Variants in PDLIM2 observed in about 807,000 individuals in gnomAD.
PDLIM2 encodes PDZ and LIM domain protein 2.
PDLIM2 carries 51 observed loss-of-function variants against 54.1 expected under a neutral mutation model. The ratio of observed to expected loss-of-function variants is 0.94; its 90% CI spans 0.75 to 1.19. PDLIM2 has a LOEUF of 1.19. PDLIM2 is among the 50% of genes most tolerant of loss of function. The pLI is 0.00. For missense variants in PDLIM2, 912 were observed against 874.0 expected (o/e 1.04, Z -0.55); for synonymous variants, 398 against 385.6 (o/e 1.03, Z -0.38).
chr8:22,581,625 C>T, intron 3 of PDLIM2, 95 bp downstream of exon 2: 3 of 1,447,552 alleles, frequency 2.1e-6, no homozygotes, highest in Non-Finnish European at 2.7e-6. Flanking sequence ...GGCTAGAGCT[C>T]AGCCCTAAAG....
intron 6 of PDLIM2, among the ~76,000 whole-genome samples, chr8:22,586,148 T>C (rs1208167568): frequency 6.6e-6 from 1 of 152,144 alleles, no homozygotes; most frequent in Non-Finnish European, 1.5e-5. Context: ...TTGGGTTGAT[T>C]CTGCATTCCA....
chr8:22,584,927 T>A (rs754008888), intron 4 of PDLIM2, 37 bp downstream of exon 3: 13 of 1,613,676 alleles, frequency 8.1e-6, no homozygotes, highest in Non-Finnish European at 1.0e-5. Context: ...CTCAGCACCC[T>A]GATCACTGGT....
intron 8 of PDLIM2, chr8:22,590,088 A>G (rs1375600818): frequency 2.0e-5 from 6 of 294,614 alleles, no homozygotes; most frequent in African/African-American, 8.8e-5. Flanking sequence ...TTGGCCTTAG[A>G]AAAAACATCA....
At chr8:22,591,522 C>G (rs750728018) in intron 8 of PDLIM2, 29 bp from the exon 8 acceptor site, 2 of 1,592,476 alleles carry the variant, frequency 1.3e-6, no homozygotes, top group South Asian at 2.2e-5. Context: ...GGTGGGCTCT[C>G]ACCACATGTC....
chr8:22,587,498 AC>A (rs1800412021), intron 6 of PDLIM2, among the ~76,000 whole-genome samples: 1 of 151,836 alleles, frequency 6.6e-6, no homozygotes, highest in Non-Finnish European at 1.5e-5. Flanking sequence ...TCTACCCCTG[AC>A]CCCCTGCCCT....
chr8:22,580,642 G>T, exon 2 of PDLIM2: 1 of 1,614,082 alleles, frequency 6.2e-7, no homozygotes, highest in African/African-American at 1.3e-5. Context: ...CCAGCGCCCT[G>T]GGGCTTCCGT....
chr8:22,583,431 A>G (rs1439862073), intron 3 of PDLIM2, among the ~76,000 whole-genome samples: 2 of 152,138 alleles, frequency 1.3e-5, no homozygotes, highest in East Asian at 3.9e-4. Flanking sequence ...TCTGGGTTTC[A>G]GTTTCTCCAT....
chr8:22,588,546 C>A (rs529624332), intron 6 of PDLIM2: 2 of 152,244 alleles, frequency 1.3e-5, no homozygotes, highest in African/African-American at 2.4e-5. Context: ...GTGGGGAGTA[C>A]GGAGATGCAG....
At position 22,580,706 on chromosome 8, in the gene PDLIM2, G is replaced by C. The variant is rs773148297; in HGVS notation, c.843+9G>C. On this transcript the variant is annotated intron_variant, in intron 2 of 9. Coordinates refer to ENST00000308354, the Ensembl canonical transcript of PDLIM2. ...CCATCATGGTGACTAAGGTAAGGATGGTGGCTCAAAGAGATGAGAAGGTCC... is the reference window on the plus strand; with the variant it reads ...CCATCATGGTGACTAAGGTAAGGATCGTGGCTCAAAGAGATGAGAAGGTCC... 1.4e-5 allele frequency: 23 copies of C among 1,613,384 alleles called. No individual in the cohort carries two copies. The Middle Eastern group carries it at 1.2e-3, about 81-fold the overall frequency.
downstream of PDLIM2, chr8:22,594,300 T>G: frequency 7.1e-7 from 1 of 1,409,124 alleles, no homozygotes; most frequent in Non-Finnish European, 9.2e-7. Flanking sequence ...CAAAATAAAG[T>G]AGATGTCCCT....
chr8:22,582,613 C>T (rs1184327481), intron 3 of PDLIM2, among the ~76,000 whole-genome samples: 4 of 144,734 alleles, frequency 2.8e-5, no homozygotes, highest in African/African-American at 5.2e-5. Flanking sequence ...GACAGAGTCT[C>T]GCTCTGTTGC....
intron 6 of PDLIM2, among the ~76,000 whole-genome samples, chr8:22,587,047 G>A (rs2117354860): frequency 6.6e-6 from 1 of 152,308 alleles, no homozygotes; most frequent in African/African-American, 2.4e-5. Context: ...TGACCTTGAT[G>A]ACTCTGCTCA....
rs374779274 is a variant in PDLIM2, at chr8:22,581,542, C to T, written c.995+12C>T. ...CTGCAGCTGGACCGGTAGGGCCTCC[C>T]GCTCTGCAGAGCCTGTGGCATTCCC... On this transcript the variant is annotated intron_variant, in intron 3 of 9. Coordinates refer to ENST00000308354, the Ensembl canonical transcript of PDLIM2. 437 of 1,561,130 alleles carry T rather than the reference C, an allele frequency of 2.8e-4. No homozygotes were observed. Among genetic ancestry groups the T allele is most frequent in the Middle Eastern group, 1.1e-3 (6 of 5,236 alleles).
chr8:22,589,984 GA>G, intron 8 of PDLIM2: 1 of 542,488 alleles, frequency 1.8e-6, no homozygotes, highest in Non-Finnish European at 3.2e-6. Flanking sequence ...GCTGGGATGG[GA>G]AAGTGTCATT....
At chr8:22,581,664 G>A (rs1800210131) in intron 3 of PDLIM2, 134 bp downstream of exon 2, 6 of 1,217,138 alleles carry the variant, frequency 4.9e-6, no homozygotes, top group African/African-American at 1.5e-5. Context: ...TCCACACCTT[G>A]GTGAGAAGGT....
intron 3 of PDLIM2, among the ~76,000 whole-genome samples, 196 bp downstream of exon 2, chr8:22,581,726 G>A (rs992544303): frequency 6.6e-6 from 1 of 152,262 alleles, no homozygotes; most frequent in Admixed American, 6.5e-5. Context: ...TCCCATGCCT[G>A]GTTGGGTAAA....
intron 9 of PDLIM2, chr8:22,593,488 T>G: frequency 2.1e-6 from 1 of 481,878 alleles, no homozygotes; most frequent in African/African-American, 2.1e-5. Context: ...GGTGCAGGAG[T>G]ATCGCTTGAA....
At chr8:22,588,474 G>A (rs995793514) in intron 6 of PDLIM2, 9 of 152,322 alleles carry the variant, frequency 5.9e-5, no homozygotes, top group African/African-American at 1.9e-4. Flanking sequence ...CCCAGTGGCT[G>A]GTGCGGGCTC....
At chr8:22,596,186 G>A (rs1241370044), downstream of PDLIM2, 1 of 152,308 alleles carries the variant, frequency 6.6e-6, no homozygotes, top group Non-Finnish European at 1.5e-5. Flanking sequence ...CCACCTGTAT[G>A]TAGCACGCCA....
Sources: allele counts gnomAD v4.1 joint callset (sites outside exome capture counted in the v4.1 genomes callset), GRCh38; gene constraint gnomAD v4.1.1; transcripts MANE v1.5; gene names NCBI Gene and HGNC (gene_info 2026-07-23, HGNC 2026-07-21).